Variants in GSDME observed in about 807,000 individuals in gnomAD.
GSDME encodes gasdermin-E.
A neutral mutation model predicts 47.5 loss-of-function variants in GSDME; 44 were observed. The observed-to-expected ratio is 0.93, with a 90% CI of 0.73 to 1.19. GSDME has a LOEUF of 1.19. Among genes scored for constraint, GSDME ranks in the 50% most tolerant of loss-of-function variants. The probability of loss-of-function intolerance (pLI) is 0.00; values close to 1 mark genes in which losing one functional copy is unlikely to be tolerated. For synonymous variants in GSDME, 258 were observed against 252.8 expected, an observed-to-expected ratio of 1.02 and a Z score of -0.20; for missense variants, 663 against 604.2, an observed-to-expected ratio of 1.10 and a Z score of -1.02.
At chr7:24,709,761 A>AT (rs754972558) in intron 6 of GSDME, among the ~76,000 whole-genome samples, 9 of 152,214 alleles carry the variant, frequency 5.9e-5, no homozygotes, top group Admixed American at 2.0e-4. Flanking sequence ...CATGCAGTCC[A>AT]TGCCATGTGG....
the GSDME span, among the ~76,000 whole-genome samples, chr7:24,780,466 A>C: frequency 1.3e-5 from 2 of 152,154 alleles, no homozygotes; most frequent in African/African-American, 4.8e-5. The surrounding 1 kb of genome is among the most constrained non-coding windows in gnomAD (Gnocchi z 4.1). Flanking sequence ...ACATCCAAGC[A>C]AAGGATTTGA....
intron 8 of GSDME, chr7:24,704,501 A>T (rs1789012770): frequency 6.6e-6 from 1 of 152,232 alleles, no homozygotes. Flanking sequence ...TAGCAAGAGC[A>T]CAAATGGAAG....
At chr7:24,748,155 TATATATA>T (rs1386352665) in intron 2 of GSDME, among the ~76,000 whole-genome samples, 3 of 108,214 alleles carry the variant, frequency 2.8e-5, no homozygotes, top group African/African-American at 1.3e-4. Flanking sequence ...TATATATATA[TATATATA>T]TATATATTTT....
chr7:24,698,592 C>G lies in GSDME; in HGVS notation c.*434G>C. On this transcript the variant is annotated 3_prime_UTR_variant, in exon 10 of 10. Transcript: ENST00000645220. ...TTCAGTCATCAAATAACATACATCA[C>G]TTCCAAAACGTAGCCTCTTGTGTGC... The G allele has an allele frequency of 3.8e-6, 1 of 263,814 alleles. No individual in the cohort carries two copies. Among genetic ancestry groups the G allele is most frequent in the Non-Finnish European group, 7.4e-6 (1 of 135,642 alleles). 16.3% of individuals were successfully genotyped at this position (263,814 alleles called of 1,614,324 possible).
intron 9 of GSDME, among the ~76,000 whole-genome samples, chr7:24,702,117 A>G (rs940382725): frequency 2.6e-5 from 4 of 152,216 alleles, no homozygotes; most frequent in African/African-American, 9.6e-5. Flanking sequence ...TGCAAAAGCT[A>G]CACAAGACTA....
In GSDME at chr7:24,754,146, C is replaced by T. The variant is rs1790942222; in HGVS notation, c.-20+3250G>A. Among the ~76,000 whole-genome samples, 1 of 152,308 alleles carries T rather than the reference C, an allele frequency of 6.6e-6. No individual in the cohort carries two copies. Among genetic ancestry groups the T allele is most frequent in the African/African-American group, 2.4e-5 (1 of 41,568 alleles). ...GCTCATGGCCTAAAAACTCACTGCA[C>T]TTCACAGTTGTTACATAGATCACGG... On this transcript the variant is annotated intron_variant, in intron 1 of 9. Coordinates refer to ENST00000645220, the MANE Select transcript of GSDME (RefSeq NM_001127453.2). This position sits in a 1 kb window ranked among gnomAD's most constrained non-coding sequence, Gnocchi z 5.0.
At position 24,733,924 on chromosome 7, in the gene GSDME, C is replaced by G. The variant is rs1790221456; in HGVS notation, c.404+10638G>C. 6.6e-6 allele frequency among the ~76,000 whole-genome samples: 1 copy of G among 152,196 alleles called. No individual in the cohort carries two copies. The highest frequency in any genetic ancestry group is 1.5e-5 in the Non-Finnish European group (1 of 68,038). The stretch of plus-strand genomic sequence containing the variant: ...CCTGCTGATTATACAGCCCTAGGGC[C>G]TTGAGCAAACATAGGCAGTAGCCAG... On this transcript the variant is annotated intron_variant, in intron 3 of 9. Coordinates refer to ENST00000645220, the MANE Select transcript of GSDME (RefSeq NM_001127453.2). This position sits in a 1 kb window ranked among gnomAD's most constrained non-coding sequence, Gnocchi z 4.3.
At chr7:24,700,552 A>ACTAT (rs1183082037) in intron 9 of GSDME, among the ~76,000 whole-genome samples, 1 of 152,222 alleles carries the variant, frequency 6.6e-6, no homozygotes, top group African/African-American at 2.4e-5. Context: ...AGCAGTGGTG[A>ACTAT]CTATCTTGAA....
At chr7:24,760,523 T>C (rs1292363947), upstream of GSDME, among the ~76,000 whole-genome samples, 30 of 152,248 alleles carry the variant, frequency 2.0e-4, no homozygotes, top group Admixed American at 2.0e-3. This position sits in a 1 kb window ranked among gnomAD's most constrained non-coding sequence, Gnocchi z 4.2. Context: ...TGAGATTATA[T>C]AAAGTACTCA....
Position 24,710,263 on chromosome 7 carries a change from T to G in GSDME, c.823A>C (p.Ile275Leu), listed in dbSNP as rs149956122. The change falls in exon 6 of 10, where the codon ATA becomes CTA. Residue 275 changes from isoleucine to leucine, a missense_variant. Coordinates refer to ENST00000645220, the MANE Select transcript of GSDME (RefSeq NM_001127453.2). ...CTTAATGGTCCATCCTGGGAAGATATCCCATGCGCAGCATCTGGCATGTCT... is the reference window on the plus strand; with the variant it reads ...CTTAATGGTCCATCCTGGGAAGATAGCCCATGCGCAGCATCTGGCATGTCT... ...FIDMPDAAHGISSQDGPLSVL... is the reference protein window; with the variant it reads ...FIDMPDAAHGLSSQDGPLSVL... 1 of 1,614,048 alleles carries G rather than the reference T, an allele frequency of 6.2e-7. No individual in the cohort carries two copies. The highest frequency in any genetic ancestry group is 8.5e-7 in the Non-Finnish European group (1 of 1,180,042).
At chr7:24,789,324 G>A in the GSDME span, among the ~76,000 whole-genome samples, 812 of 152,212 alleles carry the variant, frequency 5.3e-3, 13 homozygotes, top group African/African-American at 0.019. Flanking sequence ...AAACCCCCCA[G>A]ACACAGAGTT....
At position 24,714,979 on chromosome 7, in the gene GSDME, AATAG is replaced by A. The variant is rs1056906782; in HGVS notation, c.697+2271_697+2274del. ...TAATGTAACTGTCTGTTGATGGACAAATAGATAAAGAAAATTGATGTATTTACAC... is the reference window on the plus strand; with the variant it reads ...TAATGTAACTGTCTGTTGATGGACAAATAAAGAAAATTGATGTATTTACAC... On this transcript the variant is annotated intron_variant, in intron 5 of 9. Coordinates refer to ENST00000645220, the MANE Select transcript of GSDME (RefSeq NM_001127453.2). This position sits in a 1 kb window ranked among gnomAD's most constrained non-coding sequence, Gnocchi z 5.0. Among the ~76,000 whole-genome samples, 2 of 152,270 alleles carry A rather than the reference AATAG, an allele frequency of 1.3e-5. No individual in the cohort carries two copies. Among genetic ancestry groups the A allele is most frequent in the Non-Finnish European group, 2.9e-5 (2 of 68,044 alleles).
At chr7:24,730,404 C>T (rs1790106418) in intron 3 of GSDME, among the ~76,000 whole-genome samples, 1 of 152,198 alleles carries the variant, frequency 6.6e-6, no homozygotes, top group Non-Finnish European at 1.5e-5. Context: ...CAATGGATGA[C>T]ATCTTGGATT....
upstream of GSDME, among the ~76,000 whole-genome samples, chr7:24,760,255 A>C (rs2128070428): frequency 6.6e-6 from 1 of 152,354 alleles, no homozygotes; most frequent in Middle Eastern, 3.4e-3. This position sits in a 1 kb window ranked among gnomAD's most constrained non-coding sequence, Gnocchi z 4.2. Context: ...AAAGTCAATA[A>C]AACTCATTAC....
rs908915652 is a variant in GSDME at position 24,742,394 on chromosome 7, C to A, written c.404+2168G>T. On this transcript the variant is annotated intron_variant, in intron 3 of 9. Coordinates refer to ENST00000645220, the MANE Select transcript of GSDME (RefSeq NM_001127453.2). This position sits in a 1 kb window ranked among gnomAD's most constrained non-coding sequence, Gnocchi z 4.4. ...TTAAGTGTAAAAGGAGATGGCTGTG[C>A]AGAGTTAAGGAGAGGCTACATATAA... 6.6e-6 allele frequency among the ~76,000 whole-genome samples: 1 copy of A among 152,090 alleles called. No individual in the cohort carries two copies.
At chr7:24,711,191 G>A (rs1255192933) in intron 5 of GSDME, among the ~76,000 whole-genome samples, 2 of 152,126 alleles carry the variant, frequency 1.3e-5, no homozygotes, top group Non-Finnish European at 2.9e-5. Flanking sequence ...TTTTTAACAT[G>A]TGGGAAATGT....
chr7:24,779,162 C>T, the GSDME span, among the ~76,000 whole-genome samples: 6 of 152,096 alleles, frequency 3.9e-5, no homozygotes, highest in Admixed American at 2.0e-4. This position sits in a 1 kb window ranked among gnomAD's most constrained non-coding sequence, Gnocchi z 6.0. Context: ...AAGGCAGATA[C>T]GGGAAGTTGG....
chr7:24,789,822 C>G, the GSDME span, among the ~76,000 whole-genome samples: 15 of 152,318 alleles, frequency 9.8e-5, no homozygotes, highest in African/African-American at 3.4e-4. Context: ...TCTTGTAGGA[C>G]AGATCGATAG....
chr7:24,748,162 A>G (rs13308214), intron 2 of GSDME, among the ~76,000 whole-genome samples: 3 of 97,824 alleles, frequency 3.1e-5, no homozygotes, highest in African/African-American at 1.9e-4. Context: ...ATATATATAT[A>G]TATATATTTT....
Sources: gnomAD v4.1 joint callset for allele counts (sites outside exome capture counted in the v4.1 genomes callset) on GRCh38, gnomAD v4.1.1 for gene constraint, Gnocchi (gnomAD v3.1) non-coding constraint, MANE v1.5 for transcripts, NCBI Gene and HGNC (gene_info 2026-07-23, HGNC 2026-07-21) for gene names.